PLAUR: variants seen among roughly 807,000 people sequenced by gnomAD.
The protein encoded by PLAUR is plasminogen activator, urokinase receptor.
Under a neutral mutation model 33.4 loss-of-function variants are expected in PLAUR, and 22 were observed. The observed-to-expected ratio is 0.66, with a 90% confidence interval of 0.47 to 0.94. The LOEUF (loss-of-function observed/expected upper bound fraction) is 0.94, where lower values mean the gene tolerates loss of function less well. PLAUR is among the 40% of genes least tolerant of loss of function. PLAUR has a pLI of 0.00. For missense variants in PLAUR, 408 were observed against 434.7 expected, an observed-to-expected ratio of 0.94 and a Z score of 0.55; for synonymous variants, 148 against 167.3, an observed-to-expected ratio of 0.88 and a Z score of 0.89.
chr19:43,669,795 G>A (rs1967441645), intron 1 of PLAUR, among the ~76,000 whole-genome samples: 1 of 113,504 alleles, frequency 8.8e-6, no homozygotes, highest in Admixed American at 1.2e-4. Context: ...CTGGGCGACA[G>A]AGTGAGACTC....
intron 6 of PLAUR, among the ~76,000 whole-genome samples, chr19:43,650,080 C>T (rs1224626118): frequency 5.3e-5 from 8 of 150,278 alleles, no homozygotes; most frequent in Non-Finnish European, 1.2e-4. Flanking sequence ...GGCACGATCT[C>T]GGCTCACTGC....
Position 43,652,223 on chromosome 19 carries a change from A to G in PLAUR, c.754+2T>C, listed in dbSNP as rs778902956. The G allele has an allele frequency of 9.9e-6, 16 of 1,613,926 alleles. No individual in the cohort carries two copies. Among genetic ancestry groups the G allele is most frequent in the Non-Finnish European group, 1.3e-5 (15 of 1,179,906 alleles). On this transcript the variant is annotated splice_donor_variant, in intron 6 of 6. Coordinates refer to ENST00000340093, the MANE Select transcript of PLAUR (RefSeq NM_002659.4). LOFTEE classifies it high-confidence loss of function. Reference sequence around the variant, plus strand: ...CCCTCCCAGCCTCGGAGAGGGCCTCACCGTGAGTGCCGGTGGCTACCAGAC... The same window carrying G: ...CCCTCCCAGCCTCGGAGAGGGCCTCGCCGTGAGTGCCGGTGGCTACCAGAC...
chr19:43,663,334 C>T (rs1005693572), intron 3 of PLAUR, among the ~76,000 whole-genome samples: 3 of 151,314 alleles, frequency 2.0e-5, no homozygotes, highest in Admixed American at 1.3e-4. Flanking sequence ...CACACACACA[C>T]ACACACACAC....
At chr19:43,652,484 C>G in intron 5 of PLAUR, 113 bp from the exon 6 acceptor site, 2 of 1,060,036 alleles carry the variant, frequency 1.9e-6, no homozygotes, top group Non-Finnish European at 2.8e-6. Context: ...ATGGAGCCAC[C>G]TTGTGGTCAG....
intron 5 of PLAUR, 85 bp from the exon 6 acceptor site, chr19:43,652,456 C>A: frequency 7.5e-7 from 1 of 1,336,532 alleles, no homozygotes. Flanking sequence ...AGGACTTCCA[C>A]TCCGAGCCAG....
At chr19:43,664,991 G>A (rs866143506) in intron 3 of PLAUR, 1 of 339,412 alleles carries the variant, frequency 2.9e-6, no homozygotes, top group South Asian at 5.7e-5. Context: ...TGGGGATTTG[G>A]GTAGTCTGAG....
At chr19:43,657,672 T>C (rs981146560) in intron 3 of PLAUR, among the ~76,000 whole-genome samples, 1 of 152,140 alleles carries the variant, frequency 6.6e-6, no homozygotes, top group Non-Finnish European at 1.5e-5. Context: ...TGGTGACAGG[T>C]ATGTCTCCTC....
chr19:43,669,595 T>A (rs1336702877), intron 1 of PLAUR, among the ~76,000 whole-genome samples: 2 of 152,010 alleles, frequency 1.3e-5, no homozygotes, highest in African/African-American at 4.8e-5. Flanking sequence ...GTGGATCATC[T>A]GAGGTCAGGA....
At position 43,656,487 on chromosome 19, in the gene PLAUR, C is replaced by T. The variant is rs755409740; in HGVS notation, c.464G>A (p.Gly155Asp). Residue 155 changes from glycine to aspartate, a missense_variant, in exon 4 of 7, where the codon GGT becomes GAT. Physicochemically the swap from Gly to Asp is moderately conservative, Grantham distance 94. Coordinates refer to ENST00000340093, the MANE Select transcript of PLAUR (RefSeq NM_002659.4). ...LDVVTHWIQE[G>D]EEGRPKDDRH... Reference sequence around the variant, plus strand: ...AGCAGGTTGGGGCTCACCTTCTTCACCTTCCTGGATCCAGTGGGTCACCAC... The same window carrying T: ...AGCAGGTTGGGGCTCACCTTCTTCATCTTCCTGGATCCAGTGGGTCACCAC... The T allele has an allele frequency of 1.3e-6, 2 of 1,589,774 alleles. No homozygotes were observed. The highest frequency in any genetic ancestry group is 2.3e-5 in the East Asian group (1 of 44,158).
intron 3 of PLAUR, chr19:43,660,475 G>GTTT: frequency 1.4e-5 from 2 of 143,250 alleles, no homozygotes; most frequent in African/African-American, 5.1e-5. Context: ...GCCCGGCCTG[G>GTTT]TTTTTTTTTT....
intron 6 of PLAUR, among the ~76,000 whole-genome samples, chr19:43,649,811 C>T (rs1391996066): frequency 6.6e-6 from 1 of 151,986 alleles, no homozygotes; most frequent in Non-Finnish European, 1.5e-5. Context: ...CCCCAGAGAC[C>T]CTTTCAGGAG....
chr19:43,668,297 T>C, intron 1 of PLAUR: 1 of 986,650 alleles, frequency 1.0e-6, no homozygotes, highest in Non-Finnish European at 1.2e-6. Context: ...CGCGAAGTTC[T>C]GTCTCCGCCC....
rs1321859713 is a variant in PLAUR, at chr19:43,653,853, T to C, written c.608-1482A>G. ...AAATTTAGCTGGGTGCGGCCGGGCG[T>C]GGTGGCTCACGCCTGTAATCCCAGC... On this transcript the variant is annotated intron_variant, in intron 5 of 6. Coordinates refer to ENST00000340093, the MANE Select transcript of PLAUR (RefSeq NM_002659.4). Among the ~76,000 whole-genome samples the C allele has an allele frequency of 3.3e-5, 5 of 149,966 alleles. No individual in the cohort carries two copies. In the East Asian group the frequency reaches 9.9e-4, roughly 30 times the overall value.
In PLAUR at chr19:43,665,472, G is replaced by A. The variant is rs774473988; in HGVS notation, c.167-13C>T. On this transcript the variant is annotated splice_polypyrimidine_tract_variant and intron_variant, in intron 2 of 6. Transcript: ENST00000340093. ...AGCTCTTCTCCTTCTGCAAGGAGGG[G>A]ATCTTCATTACCCCAGAGGCTCCTC... The A allele has an allele frequency of 1.2e-6, 2 of 1,612,252 alleles. No homozygotes were observed. Among genetic ancestry groups the A allele is most frequent in the Admixed American group, 1.7e-5 (1 of 59,780 alleles).
At chr19:43,665,099 A>G in intron 3 of PLAUR, 1 of 582,282 alleles carries the variant, frequency 1.7e-6, no homozygotes, top group East Asian at 2.8e-5. Flanking sequence ...GAAGTTGGGC[A>G]TAGGATTGGA....
At chr19:43,662,353 C>G (rs1490083699) in intron 3 of PLAUR, among the ~76,000 whole-genome samples, 1 of 152,004 alleles carries the variant, frequency 6.6e-6, no homozygotes, top group Non-Finnish European at 1.5e-5. Flanking sequence ...AAAAAATTAG[C>G]CGGGCATGGT....
At chr19:43,654,239 G>A (rs1027561823) in intron 5 of PLAUR, among the ~76,000 whole-genome samples, 6 of 151,588 alleles carry the variant, frequency 4.0e-5, no homozygotes, top group Non-Finnish European at 5.9e-5. Context: ...GCAGTGAGCC[G>A]TGATTGTGCC....
intron 6 of PLAUR, among the ~76,000 whole-genome samples, 166 bp from the exon 7 acceptor site, chr19:43,649,309 C>T (rs1682512208): frequency 6.6e-6 from 1 of 152,042 alleles, no homozygotes; most frequent in Non-Finnish European, 1.5e-5. Context: ...AATCTCAACA[C>T]CTTGGGAAGC....
downstream of PLAUR, among the ~76,000 whole-genome samples, chr19:43,647,208 T>C (rs921053089): frequency 9.9e-5 from 15 of 152,216 alleles, no homozygotes; most frequent in African/African-American, 1.7e-4. Flanking sequence ...TAGAGTGCCA[T>C]TGAAATGGTA....
Sources: gnomAD v4.1 joint callset for allele counts (sites outside exome capture counted in the v4.1 genomes callset) on GRCh38, gnomAD v4.1.1 for gene constraint, MANE v1.5 for transcripts, NCBI Gene and HGNC (gene_info 2026-07-23, HGNC 2026-07-21) for gene names.